UNC5D: variants seen among roughly 807,000 people sequenced by gnomAD.
UNC5D encodes the protein netrin receptor UNC5D.
A neutral mutation model predicts 105.4 loss-of-function variants in UNC5D; 39 were observed. That is an observed-to-expected ratio of 0.37 (90% CI 0.29 to 0.48). UNC5D has a LOEUF of 0.48. UNC5D is among the 20% of genes least tolerant of loss of function. The pLI, the probability that UNC5D is intolerant of heterozygous loss-of-function variation, is 0.98. For missense variants in UNC5D, 991 were observed against 1,202.4 expected (o/e 0.82, Z 2.60); for synonymous variants, 452 against 450.4 (o/e 1.00, Z -0.04).
At chr8:35,316,013 A>G (rs1414176716) in intron 1 of UNC5D, among the ~76,000 whole-genome samples, 1 of 152,162 alleles carries the variant, frequency 6.6e-6, no homozygotes, top group Non-Finnish European at 1.5e-5. Context: ...GCTTAAAGAG[A>G]TCGGTCGAGC....
chr8:35,469,898 G>A (rs1024873919), intron 1 of UNC5D, among the ~76,000 whole-genome samples: 2 of 152,072 alleles, frequency 1.3e-5, no homozygotes, highest in East Asian at 1.9e-4. Context: ...TTGGTTGTAC[G>A]GGAATGAAGG....
At chr8:35,484,339 A>T (rs1268659887) in intron 1 of UNC5D, among the ~76,000 whole-genome samples, 5 of 152,154 alleles carry the variant, frequency 3.3e-5, no homozygotes, top group Admixed American at 6.5e-5. Flanking sequence ...CTGGGCAGCT[A>T]CTCAAGCCAG....
At chr8:35,309,062 A>T (rs562547139) in intron 1 of UNC5D, among the ~76,000 whole-genome samples, 67 of 152,274 alleles carry the variant, frequency 4.4e-4, no homozygotes, top group African/African-American at 1.5e-3. Flanking sequence ...ACTGTTTTCC[A>T]TAAAAACACT....
At chr8:35,390,656 T>C (rs1437668964) in intron 1 of UNC5D, among the ~76,000 whole-genome samples, 2 of 152,236 alleles carry the variant, frequency 1.3e-5, no homozygotes, top group African/African-American at 4.8e-5. Flanking sequence ...GGTAACACTC[T>C]GGCGTTTCAT....
chr8:35,647,558 G>A (rs936073580), intron 4 of UNC5D, among the ~76,000 whole-genome samples: 7 of 152,120 alleles, frequency 4.6e-5, no homozygotes, highest in African/African-American at 1.4e-4. Context: ...GCAAGGAGGA[G>A]TTTACTGGTT....
chr8:35,544,480 T>G (rs147772052), intron 1 of UNC5D: 1 of 1,613,924 alleles, frequency 6.2e-7, no homozygotes, highest in African/African-American at 1.3e-5. Context: ...CTCTCAGTGA[T>G]GTCTGTGCTG....
chr8:35,724,493 T>G (rs1488706122), intron 9 of UNC5D, among the ~76,000 whole-genome samples: 1 of 152,116 alleles, frequency 6.6e-6, no homozygotes, highest in Non-Finnish European at 1.5e-5. Flanking sequence ...AAGAGAAGAC[T>G]GGGGTGACCA....
intron 1 of UNC5D, among the ~76,000 whole-genome samples, chr8:35,450,162 T>A (rs1289534969): frequency 6.6e-6 from 1 of 152,188 alleles, no homozygotes; most frequent in Non-Finnish European, 1.5e-5. Context: ...GGAACTTGTT[T>A]AGTACTTAGT....
At chr8:35,594,946 C>T (rs952502336) in intron 3 of UNC5D, among the ~76,000 whole-genome samples, 1 of 152,094 alleles carries the variant, frequency 6.6e-6, no homozygotes, top group African/African-American at 2.4e-5. Context: ...ACCCAAATAC[C>T]CAGCATTGCT....
intron 1 of UNC5D, among the ~76,000 whole-genome samples, chr8:35,462,932 A>G (rs1363334257): frequency 6.6e-6 from 1 of 152,198 alleles, no homozygotes; most frequent in Non-Finnish European, 1.5e-5. Flanking sequence ...TCTCGGGCAC[A>G]TAGCTAAAAG....
intron 11 of UNC5D, among the ~76,000 whole-genome samples, chr8:35,734,900 C>T (rs565580664): frequency 6.6e-6 from 1 of 151,452 alleles, no homozygotes; most frequent in South Asian, 2.1e-4. Context: ...CTCTCTGCCT[C>T]AGCCTCCCGA....
At chr8:35,370,805 A>G (rs1182948830) in intron 1 of UNC5D, among the ~76,000 whole-genome samples, 4 of 152,228 alleles carry the variant, frequency 2.6e-5, no homozygotes, top group Non-Finnish European at 4.4e-5. Flanking sequence ...AAATGTAATC[A>G]CTAAGTAATT....
At position 35,766,969 on chromosome 8, in the gene UNC5D, G is replaced by T; in HGVS notation, c.2381G>T (p.Arg794Leu). The change falls in exon 15 of 17, where the codon CGT becomes CTT. Residue 794 changes from arginine to leucine, a missense_variant. Physicochemically the swap from Arg to Leu is moderately radical, Grantham distance 102. Transcript: ENST00000404895. ...QPLHCAFSLERYTPTTTQLSC... is the reference protein window; with the variant it reads ...QPLHCAFSLELYTPTTTQLSC... ...CTGCACTGTGCCTTCTCCCTGGAGC[G>T]TTATACGCCCACTACCACCCAGCTG... is the stretch of plus-strand genomic sequence containing the variant. The T allele has an allele frequency of 6.2e-7, 1 of 1,614,028 alleles. No homozygotes were observed. Among genetic ancestry groups the T allele is most frequent in the Non-Finnish European group, 8.5e-7 (1 of 1,179,972 alleles).
intron 8 of UNC5D, among the ~76,000 whole-genome samples, chr8:35,712,876 T>C (rs191945153): frequency 1.1e-4 from 17 of 152,314 alleles, no homozygotes; most frequent in South Asian, 1.0e-3. Context: ...CTCTAACCAC[T>C]GTCTCAAACT....
At chr8:35,452,457 G>C (rs1808218407) in intron 1 of UNC5D, among the ~76,000 whole-genome samples, 1 of 151,892 alleles carries the variant, frequency 6.6e-6, no homozygotes, top group African/African-American at 2.4e-5. Flanking sequence ...GTAGGGACAG[G>C]GTTTCACCAT....
intron 1 of UNC5D, among the ~76,000 whole-genome samples, chr8:35,535,125 G>A (rs764549449): frequency 3.3e-5 from 5 of 152,146 alleles, no homozygotes; most frequent in Non-Finnish European, 5.9e-5. Flanking sequence ...ACAAAATTAA[G>A]TGCTTGCTAT....
At chr8:35,504,771 T>A (rs898367534) in intron 1 of UNC5D, among the ~76,000 whole-genome samples, 1 of 152,072 alleles carries the variant, frequency 6.6e-6, no homozygotes, top group Non-Finnish European at 1.5e-5. Context: ...AACTCAGGCA[T>A]CTGAATTCTG....
At position 35,796,213 on chromosome 8, in the gene UNC5D, T is replaced by G. The variant is rs2131835415; in HGVS notation, c.*5650T>G. ...AGGTTGAATGAAGCATAGCCTTGGC[T>G]TCATACCACACTTTTTGTGCCTTGT... On this transcript the variant is annotated 3_prime_UTR_variant, in exon 17 of 17. Coordinates refer to ENST00000404895, the MANE Select transcript of UNC5D (RefSeq NM_080872.4). 6.6e-6 allele frequency: 1 copy of G among 152,226 alleles called. No homozygotes were observed. Among genetic ancestry groups the G allele is most frequent in the South Asian group, 2.1e-4 (1 of 4,826 alleles). The allele number at this position is 152,226 out of a possible 1,614,324, so 9.4% of individuals were successfully genotyped here. A position where few individuals can be genotyped will look rare whatever the true frequency, so the allele number is the denominator to read the frequency against.
intron 2 of UNC5D, among the ~76,000 whole-genome samples, chr8:35,558,694 CT>C (rs1816721228): frequency 6.6e-6 from 1 of 152,114 alleles, no homozygotes; most frequent in African/African-American, 2.4e-5. Flanking sequence ...GAGAATATTG[CT>C]TTTCAGGCCG....
Sources: gnomAD v4.1 joint callset for allele counts (sites outside exome capture counted in the v4.1 genomes callset) on GRCh38, gnomAD v4.1.1 for gene constraint, MANE v1.5 for transcripts, NCBI Gene and HGNC (gene_info 2026-07-23, HGNC 2026-07-21) for gene names.